Variants in TET2 observed in about 807,000 individuals in gnomAD.
TET2 encodes methylcytosine dioxygenase TET2.
TET2 carries 299 observed loss-of-function variants against 142.9 expected under a neutral mutation model. The ratio of observed to expected loss-of-function variants is 2.09; its 90% CI spans 1.90 to 2.30. The LOEUF (loss-of-function observed/expected upper bound fraction) is 2.30, where lower values mean the gene tolerates loss of function less well. TET2 is among the 30% of genes most tolerant of loss of function. TET2 has a pLI of 0.00. For missense variants in TET2, 2,418 were observed against 2,378.0 expected, an observed-to-expected ratio of 1.02 and a Z score of -0.35; for synonymous variants, 819 against 849.0, an observed-to-expected ratio of 0.96 and a Z score of 0.61.
At chr4:105,266,229 T>C (rs1291374263) in intron 8 of TET2, among the ~76,000 whole-genome samples, 2 of 152,108 alleles carry the variant, frequency 1.3e-5, no homozygotes, top group Admixed American at 6.6e-5. Context: ...CATAATTGTA[T>C]TGCCTTGGTA....
chr4:105,190,266 T>C (rs1725708810), intron 1 of TET2, 94 bp from the exon 2 acceptor site: 1 of 511,586 alleles, frequency 2.0e-6, no homozygotes, highest in South Asian at 3.2e-5. Flanking sequence ...TATCCAATTA[T>C]AGGTATCCAA....
At position 105,234,989 on chromosome 4, in the gene TET2, T is replaced by C; in HGVS notation, c.1047T>C (p.Gly349=). The C allele has an allele frequency of 6.2e-7, 1 of 1,614,022 alleles. No individual in the cohort carries two copies. The highest frequency in any genetic ancestry group is 8.5e-7 in the Non-Finnish European group (1 of 1,179,982). ...AGGGAACCACAAAGCTAGCGTCTGGTGAAGAATTCTGTTCAGGTTCCAGCA... is the reference window on the plus strand; with the variant it reads ...AGGGAACCACAAAGCTAGCGTCTGGCGAAGAATTCTGTTCAGGTTCCAGCA... The part of the protein sequence containing the change: ...NIQGTTKLAS[G]EEFCSGSSSN... Residue 349 remains glycine (G), a synonymous_variant, in exon 3 of 11, where the codon GGT becomes GGC. Transcript: ENST00000380013.
At chr4:105,255,912 A>G (rs1730104026) in intron 6 of TET2, among the ~76,000 whole-genome samples, 1 of 90,944 alleles carries the variant, frequency 1.1e-5, no homozygotes, top group Non-Finnish European at 2.1e-5. Flanking sequence ...GTCTTTTACT[A>G]AATTTTTTGA....
intron 9 of TET2, among the ~76,000 whole-genome samples, chr4:105,271,203 G>T (rs1017199597): frequency 6.6e-5 from 10 of 152,160 alleles, no homozygotes; most frequent in Non-Finnish European, 1.3e-4. Context: ...CACATTAGCC[G>T]TAGGTTCTGG....
chr4:105,169,518 A>C (rs1161319488), intron 1 of TET2, among the ~76,000 whole-genome samples: 1 of 151,596 alleles, frequency 6.6e-6, no homozygotes, highest in African/African-American at 2.4e-5. Flanking sequence ...ATTTTCTCCC[A>C]CTCTGTGGGT....
rs573817891 is a variant in TET2 at position 105,186,816 on chromosome 4, G to A, written c.-192-3544G>A. ...TCATTAAGCTTCTCTTTCAAAACAT[G>A]TATATAAGCCTGTGAGTCATCACTG... is the stretch of plus-strand genomic sequence containing the variant. On this transcript the variant is annotated intron_variant, in intron 1 of 10. Transcript: ENST00000380013. Among the ~76,000 whole-genome samples the A allele has an allele frequency of 3.3e-5, 5 of 152,176 alleles. No individual in the cohort carries two copies. The South Asian group carries it at 6.2e-4, about 19-fold the overall frequency.
intron 4 of TET2, 87 bp from the exon 5 acceptor site, chr4:105,242,747 G>T (rs1461724109): frequency 1.3e-6 from 2 of 1,517,762 alleles, no homozygotes; most frequent in Non-Finnish European, 1.8e-6. Context: ...ATAGAATAAA[G>T]TTATGCTCAA....
chr4:105,256,113 AGATT>A (rs1730116922), intron 6 of TET2, among the ~76,000 whole-genome samples: 2 of 152,282 alleles, frequency 1.3e-5, no homozygotes, highest in Admixed American at 1.3e-4. Flanking sequence ...CTTTTAAATC[AGATT>A]GATATTGTCA....
chr4:105,165,204 G>A (rs1456511360), intron 1 of TET2, among the ~76,000 whole-genome samples: 1 of 151,846 alleles, frequency 6.6e-6, no homozygotes, highest in Non-Finnish European at 1.5e-5. Context: ...GAGAAACCCC[G>A]TCTGTACCAA....
Position 105,234,324 on chromosome 4 carries a change from A to G in TET2, c.382A>G (p.Ser128Gly), listed in dbSNP as rs1202031477. Residue 128 changes from serine to glycine, a missense_variant, in exon 3 of 11, where the codon AGC becomes GGC. Physicochemically the swap from Ser to Gly is moderately conservative, Grantham distance 56 (BLOSUM62 0). Coordinates refer to ENST00000380013, the MANE Select transcript of TET2 (RefSeq NM_001127208.3). ...TGGAGAAAGACGTAACTTCGGGGTA[A>G]GCCAAGAAAGAAATCCAGGTGAAAG... ...ANGERRNFGV[S>G]QERNPGESSQ... 1 of 1,614,040 alleles carries G rather than the reference A, an allele frequency of 6.2e-7. No individual in the cohort carries two copies. The highest frequency in any genetic ancestry group is 8.5e-7 in the Non-Finnish European group (1 of 1,180,030).
chr4:105,241,518 C>A (rs1045126001), intron 4 of TET2, 89 bp downstream of exon 4: 20 of 1,485,734 alleles, frequency 1.3e-5, no homozygotes, highest in Non-Finnish European at 1.8e-5. Flanking sequence ...AAGCAGTAAA[C>A]AATTGTAAAT....
At chr4:105,218,488 A>G (rs1173605443) in intron 2 of TET2, among the ~76,000 whole-genome samples, 11 of 152,062 alleles carry the variant, frequency 7.2e-5, no homozygotes, top group Admixed American at 7.2e-4. Flanking sequence ...CACCCTTCAA[A>G]CCGAAAGTGG....
Position 105,236,692 on chromosome 4 carries a change from A to G in TET2, c.2750A>G (p.Gln917Arg), listed in dbSNP as rs2110235164. 2 of 1,614,152 alleles carry G rather than the reference A, an allele frequency of 1.2e-6. No homozygotes were observed. Among genetic ancestry groups the G allele is most frequent in the Non-Finnish European group, 1.7e-6 (2 of 1,180,022 alleles). The change falls in exon 3 of 11, where the codon CAA becomes CGA. Residue 917 changes from glutamine (Q) to arginine (R), a missense_variant. Gln to Arg is a conservative substitution (Grantham distance 43). Coordinates refer to ENST00000380013, the MANE Select transcript of TET2 (RefSeq NM_001127208.3). ...SGQQAAQLAQQRYLIHNHANV... is the reference protein window; with the variant it reads ...SGQQAAQLAQRRYLIHNHANV... ...CAACAAGCTGCGCAACTTGCTCAGC[A>G]AAGGTACTTGATACATAACCATGCA...
intron 1 of TET2, among the ~76,000 whole-genome samples, chr4:105,155,368 C>A (rs1723514920): frequency 6.6e-6 from 1 of 152,196 alleles, no homozygotes; most frequent in Admixed American, 6.5e-5. Flanking sequence ...AATGCCAGGA[C>A]AAAGTGAGAA....
chr4:105,245,807 A>G (rs1239174523), intron 6 of TET2, among the ~76,000 whole-genome samples: 2 of 152,228 alleles, frequency 1.3e-5, no homozygotes, highest in African/African-American at 2.4e-5. Context: ...TTAAAGCATA[A>G]TATCTCTTAG....
chr4:105,236,924 C>G lies in TET2; in HGVS notation c.2982C>G (p.His994Gln), dbSNP rs375732683. Residue 994 changes from histidine to glutamine, a missense_variant, in exon 3 of 11, where the codon CAC becomes CAG. Physicochemically the swap from His to Gln is conservative, Grantham distance 24. Coordinates refer to ENST00000380013, the MANE Select transcript of TET2 (RefSeq NM_001127208.3). The part of the protein sequence containing the change: ...EPGCKPHACM[H>Q]TAPPENKTWK... ...GATGCAAGCCACATGCCTGTATGCA[C>G]ACAGCACCACCAGAAAACAAAACAT... is the stretch of plus-strand genomic sequence containing the variant. 1 of 1,613,958 alleles carries G rather than the reference C, an allele frequency of 6.2e-7. No homozygotes were observed. The highest frequency in any genetic ancestry group is 8.5e-7 in the Non-Finnish European group (1 of 1,180,022).
At chr4:105,214,328 A>G (rs1381131465) in intron 2 of TET2, among the ~76,000 whole-genome samples, 1 of 91,942 alleles carries the variant, frequency 1.1e-5, no homozygotes, top group Non-Finnish European at 2.1e-5. Context: ...TTTTTTTGAG[A>G]CAAGACTTCC....
intron 8 of TET2, 118 bp from the exon 9 acceptor site, chr4:105,269,492 A>G (rs891633251): frequency 1.0e-5 from 11 of 1,052,202 alleles, no homozygotes; most frequent in Non-Finnish European, 1.5e-5. Flanking sequence ...TTGTTTCTGG[A>G]TATATATTTA....
chr4:105,174,452 C>T (rs777253827), intron 1 of TET2, among the ~76,000 whole-genome samples: 9 of 152,094 alleles, frequency 5.9e-5, no homozygotes, highest in African/African-American at 9.7e-5. Flanking sequence ...GGAAAATTAA[C>T]GAATCTTCTT....
Sources: gnomAD v4.1 joint callset for allele counts (sites outside exome capture counted in the v4.1 genomes callset) on GRCh38, gnomAD v4.1.1 for gene constraint, MANE v1.5 for transcripts, NCBI Gene and HGNC (gene_info 2026-07-23, HGNC 2026-07-21) for gene names.